Variants in NHLRC2 observed in about 807,000 individuals in gnomAD.
NHLRC2 encodes NHL repeat-containing protein 2.
Under a neutral mutation model 68.1 loss-of-function variants are expected in NHLRC2, and 33 were observed. The observed-to-expected ratio is 0.48, with a 90% CI of 0.37 to 0.65. The LOEUF (loss-of-function observed/expected upper bound fraction) is 0.65. Ranked by LOEUF, NHLRC2 falls within the 30% of genes least tolerant of loss-of-function variation. The probability of loss-of-function intolerance (pLI) is 0.00; values close to 1 mark genes in which losing one functional copy is unlikely to be tolerated. For synonymous variants in NHLRC2, 311 were observed against 309.6 expected (o/e 1.00, Z -0.05); for missense variants, 761 against 853.8 (o/e 0.89, Z 1.35).
At chr10:113,871,671 T>C (rs189414284) in intron 2 of NHLRC2, among the ~76,000 whole-genome samples, 1 of 152,324 alleles carries the variant, frequency 6.6e-6, no homozygotes, top group East Asian at 1.9e-4. Context: ...TGTAAGTAAT[T>C]ATATGTCAAT....
chr10:113,905,983 C>T (rs1846271985), intron 10 of NHLRC2, among the ~76,000 whole-genome samples: 1 of 152,110 alleles, frequency 6.6e-6, no homozygotes, highest in African/African-American at 2.4e-5. Flanking sequence ...TGTACTAGGA[C>T]CTTTGGAGCT....
chr10:113,855,697 C>T (rs920535953), intron 1 of NHLRC2, among the ~76,000 whole-genome samples: 4 of 152,138 alleles, frequency 2.6e-5, no homozygotes, highest in East Asian at 3.9e-4. Context: ...CGGCGTTTCA[C>T]TATGTTGGCC....
At chr10:113,889,821 C>G (rs998226525) in intron 5 of NHLRC2, among the ~76,000 whole-genome samples, 1 of 152,118 alleles carries the variant, frequency 6.6e-6, no homozygotes, top group African/African-American at 2.4e-5. Context: ...TTCCATTTAG[C>G]ATAATGTTTT....
At chr10:113,902,829 G>C (rs1402721804) in intron 8 of NHLRC2, among the ~76,000 whole-genome samples, 2 of 152,196 alleles carry the variant, frequency 1.3e-5, no homozygotes, top group Non-Finnish European at 2.9e-5. Flanking sequence ...ATAGCCAACA[G>C]TTGTGAATTG....
At chr10:113,897,088 T>C (rs200634928) in intron 5 of NHLRC2, among the ~76,000 whole-genome samples, 3 of 152,218 alleles carry the variant, frequency 2.0e-5, no homozygotes, top group African/African-American at 7.2e-5. Flanking sequence ...AGATTATTCA[T>C]TTTCGTGGGC....
At chr10:113,869,777 G>T (rs1160676448) in intron 2 of NHLRC2, among the ~76,000 whole-genome samples, 1 of 152,080 alleles carries the variant, frequency 6.6e-6, no homozygotes, top group Non-Finnish European at 1.5e-5. Context: ...TTAACTCATG[G>T]ATTCTTATTT....
chr10:113,901,698 C>G lies in NHLRC2; in HGVS notation c.1172C>G (p.Ala391Gly). 6.2e-7 allele frequency: 1 copy of G among 1,614,072 alleles called. No individual in the cohort carries two copies. The highest frequency in any genetic ancestry group is 8.5e-7 in the Non-Finnish European group (1 of 1,179,940). ...ELTKGTCLRF[A>G]GSGNEENRNN... is the part of the protein sequence containing the mutation. ...ACAAAAGGAACCTGCCTTAGGTTTG[C>G]TGGAAGTGGAAATGAAGAGAATCGA... Residue 391 changes from alanine (A) to glycine (G), a missense_variant, in exon 7 of 11, where the codon GCT becomes GGT. Physicochemically the swap from Ala to Gly is moderately conservative, Grantham distance 60. Transcript: ENST00000369301.
chr10:113,869,803 A>G (rs1324659232), intron 2 of NHLRC2, among the ~76,000 whole-genome samples: 3 of 152,260 alleles, frequency 2.0e-5, no homozygotes, highest in Non-Finnish European at 4.4e-5. Flanking sequence ...TCATTGGGTT[A>G]TAAATAATTA....
chr10:113,867,306 T>C (rs1029164487), intron 2 of NHLRC2, among the ~76,000 whole-genome samples: 1 of 152,256 alleles, frequency 6.6e-6, no homozygotes, highest in Non-Finnish European at 1.5e-5. Flanking sequence ...ATATTTTCTT[T>C]ATTCAGTAGT....
intron 9 of NHLRC2, among the ~76,000 whole-genome samples, chr10:113,904,272 G>A (rs1203207481): frequency 1.3e-5 from 2 of 151,832 alleles, no homozygotes; most frequent in African/African-American, 2.4e-5. Flanking sequence ...AGATATGGAC[G>A]TGGTTTCTTA....
chr10:113,895,957 C>T (rs1846172968), intron 5 of NHLRC2, among the ~76,000 whole-genome samples: 1 of 152,098 alleles, frequency 6.6e-6, no homozygotes, highest in South Asian at 2.1e-4. Context: ...TTTGAACCTC[C>T]ACAATGAGAT....
intron 6 of NHLRC2, among the ~76,000 whole-genome samples, chr10:113,899,206 C>G (rs904945819): frequency 6.6e-6 from 1 of 152,140 alleles, no homozygotes; most frequent in African/African-American, 2.4e-5. Context: ...AAAGGATCCT[C>G]TCCCATTCAT....
chr10:113,854,746 G>C lies in NHLRC2; in HGVS notation c.-127G>C. On this transcript the variant is annotated 5_prime_UTR_variant, in exon 1 of 11. Coordinates refer to ENST00000369301, the MANE Select transcript of NHLRC2 (RefSeq NM_198514.4). ...TTAAAAAGAAAAAAGTGTCATTGGC[G>C]TGGAGTGGGGCTAGTGGAGGGTGAG... 1 of 692,762 alleles carries C rather than the reference G, an allele frequency of 1.4e-6. No homozygotes were observed. The highest frequency in any genetic ancestry group is 2.3e-6 in the Non-Finnish European group (1 of 425,874). 42.9% of individuals were successfully genotyped at this position (692,762 alleles called of 1,614,324 possible).
At chr10:113,856,509 T>A (rs1237289617) in intron 1 of NHLRC2, among the ~76,000 whole-genome samples, 2 of 152,244 alleles carry the variant, frequency 1.3e-5, no homozygotes, top group Non-Finnish European at 2.9e-5. Flanking sequence ...ATTGTTTACA[T>A]CTATACAAAT....
intron 5 of NHLRC2, among the ~76,000 whole-genome samples, chr10:113,891,282 A>T (rs1393527943): frequency 6.6e-6 from 1 of 152,148 alleles, no homozygotes; most frequent in Non-Finnish European, 1.5e-5. Flanking sequence ...TTAACATACT[A>T]TGCATAGTTA....
At position 113,854,990 on chromosome 10, in the gene NHLRC2, C is replaced by A; in HGVS notation, c.118C>A (p.Gln40Lys). The A allele has an allele frequency of 6.4e-7, 1 of 1,553,314 alleles. No individual in the cohort carries two copies. Among genetic ancestry groups the A allele is most frequent in the East Asian group, 2.4e-5 (1 of 41,110 alleles). The change falls in exon 1 of 11, where the codon CAG (glutamine) becomes AAG (lysine). Residue 40 changes from glutamine to lysine, a missense_variant. Physicochemically the swap from Gln to Lys is moderately conservative, Grantham distance 53. Transcript: ENST00000369301. ...GCAGGAGAAGGACAGCCTGGTCTAC[C>A]AGTATCTGCAGAAGGTGGACGGCTG... ...TQQEKDSLVY[Q>K]YLQKVDGWEQ...
intron 1 of NHLRC2, among the ~76,000 whole-genome samples, chr10:113,857,839 C>T (rs1011520314): frequency 2.6e-5 from 4 of 152,004 alleles, no homozygotes; most frequent in Admixed American, 1.3e-4. Flanking sequence ...TTTGTATTTA[C>T]GGTCTCATCC....
At chr10:113,855,277 G>A (rs1845736296) in intron 1 of NHLRC2, among the ~76,000 whole-genome samples, 1 of 152,230 alleles carries the variant, frequency 6.6e-6, no homozygotes, top group Admixed American at 6.5e-5. Flanking sequence ...ACTCGTCTGT[G>A]TATCCTGAGT....
chr10:113,874,698 T>C (rs1198998492), intron 2 of NHLRC2, among the ~76,000 whole-genome samples: 2 of 152,108 alleles, frequency 1.3e-5, no homozygotes, highest in Non-Finnish European at 2.9e-5. Context: ...TATTTAGATA[T>C]TTTGAAACTG....
Sources: gnomAD v4.1 joint callset for allele counts (sites outside exome capture counted in the v4.1 genomes callset) on GRCh38, gnomAD v4.1.1 for gene constraint, MANE v1.5 for transcripts, NCBI Gene and HGNC (gene_info 2026-07-23, HGNC 2026-07-21) for gene names.